The following TKFC variants were observed in gnomAD, a reference collection of about 807,000 sequenced individuals.
TKFC encodes triokinase/FMN cyclase.
TKFC carries 46 observed loss-of-function variants against 61.0 expected under a neutral mutation model. That is an observed-to-expected ratio of 0.75 (90% CI 0.60 to 0.96). TKFC has a LOEUF of 0.96. TKFC is among the 50% of genes least tolerant of loss of function. The pLI is 0.00. For synonymous variants in TKFC, 314 were observed against 330.1 expected, an observed-to-expected ratio of 0.95 and a Z score of 0.53; for missense variants, 715 against 777.5, an observed-to-expected ratio of 0.92 and a Z score of 0.96.
At chr11:61,341,402 C>T (rs751086384) in intron 5 of TKFC, 34 bp from the exon 6 acceptor site, 9 of 1,549,082 alleles carry the variant, frequency 5.8e-6, no homozygotes, top group Non-Finnish European at 7.9e-6. Flanking sequence ...GTGATACCCT[C>T]CCCCCTGGGG....
chr11:61,351,113 T>C (rs1354489519), downstream of TKFC: 2 of 1,613,672 alleles, frequency 1.2e-6, no homozygotes, highest in Admixed American at 1.7e-5. Context: ...ACCGCCTCAC[T>C]GGGCAGGCTG....
chr11:61,341,567 TG>T, intron 6 of TKFC, 53 bp downstream of exon 6: 1 of 1,538,756 alleles, frequency 6.5e-7, no homozygotes, highest in South Asian at 1.2e-5. Flanking sequence ...TGGACAGCCC[TG>T]GGGCGAGGAG....
Position 61,346,179 on chromosome 11 carries a change from C to A in TKFC, c.1576-172C>A. 1 of 1,462,222 alleles carries A rather than the reference C, an allele frequency of 6.8e-7. No homozygotes were observed. The highest frequency in any genetic ancestry group is 9.1e-7 in the Non-Finnish European group (1 of 1,099,066). 90.6% of individuals were successfully genotyped at this position (1,462,222 alleles called of 1,614,324 possible). On this transcript the variant is annotated intron_variant, in intron 17 of 17. Transcript: ENST00000394900. The surrounding 1 kb of genome is among the most constrained non-coding windows in gnomAD (Gnocchi z 4.1). ...CAGTGAATGGTGACCCTTTTCCCTG[C>A]TGGAAGTAGATGAGAAGTGACTTTC...
chr11:61,348,379 C>T lies in TKFC; in HGVS notation c.*1876C>T, dbSNP rs1241833184. ...GATCATGTGGATCTTTGGTGCCTTCCGGTTGGCCCCTCCCTAGGTCTGTGA... is the reference window on the plus strand; with the variant it reads ...GATCATGTGGATCTTTGGTGCCTTCTGGTTGGCCCCTCCCTAGGTCTGTGA... On this transcript the variant is annotated 3_prime_UTR_variant, in exon 18 of 18. Coordinates refer to ENST00000394900, the MANE Select transcript of TKFC (RefSeq NM_015533.4). 4 of 985,176 alleles carry T rather than the reference C, an allele frequency of 4.1e-6. No individual in the cohort carries two copies. In the African/African-American group the frequency reaches 7.0e-5, roughly 17 times the overall value. 61.0% of individuals were successfully genotyped at this position (985,176 alleles called of 1,614,324 possible).
At position 61,341,828 on chromosome 11, in the gene TKFC, C is replaced by T; in HGVS notation, c.571C>T (p.Leu191=). Residue 191 remains leucine, a synonymous_variant, in exon 7 of 18, where the codon CTG becomes TTG. Transcript: ENST00000394900. ...VNVVAKAMGT[L]GVSLSSCSVP... ...TCATGCCTTGTTTCTCATAGGTACC[C>T]TGGGGGTGAGCTTATCCTCCTGCAG... is the stretch of plus-strand genomic sequence containing the variant. 2 of 1,613,890 alleles carry T rather than the reference C, an allele frequency of 1.2e-6. No homozygotes were observed. Among genetic ancestry groups the T allele is most frequent in the Non-Finnish European group, 1.7e-6 (2 of 1,179,866 alleles).
downstream of TKFC, chr11:61,352,669 A>C (rs1199014042): frequency 1.4e-5 from 8 of 574,562 alleles, no homozygotes; most frequent in Non-Finnish European, 1.9e-5. Context: ...TCAAAAAAAA[A>C]GAAAAAAGAA....
chr11:61,344,054 G>A, intron 12 of TKFC, 79 bp downstream of exon 12: 2 of 1,598,310 alleles, frequency 1.3e-6, no homozygotes, highest in Non-Finnish European at 1.7e-6. Context: ...TAGGGGCCCT[G>A]GCACCCACAC....
rs922721253 is a variant in TKFC at position 61,348,833 on chromosome 11, C to T, written c.*2330C>T. The T allele has an allele frequency of 3.9e-5, 6 of 152,254 alleles. No individual in the cohort carries two copies. The highest frequency in any genetic ancestry group is 9.7e-5 in the African/African-American group (4 of 41,436). 9.4% of individuals were successfully genotyped at this position (152,254 alleles called of 1,614,324 possible). ...GATTCTTAACATATTTAATGAAACT[C>T]GAGCTTCATAAACCAGTGAAATGCC... On this transcript the variant is annotated 3_prime_UTR_variant, in exon 18 of 18. Transcript: ENST00000394900.
chr11:61,343,700 T>C (rs2135041794), intron 11 of TKFC, 156 bp from the exon 12 acceptor site: 1 of 1,163,744 alleles, frequency 8.6e-7, no homozygotes, highest in South Asian at 1.4e-5. Context: ...TACCCCTGTA[T>C]ACAGTAGGCA....
At chr11:61,349,738 G>A, downstream of TKFC, 1 of 675,944 alleles carries the variant, frequency 1.5e-6, no homozygotes, top group Admixed American at 2.0e-5. Flanking sequence ...CTCAGCAGAA[G>A]CTGCGTGGGC....
downstream of TKFC, chr11:61,350,605 C>G (rs1266015384): frequency 1.4e-6 from 1 of 700,798 alleles, no homozygotes; most frequent in African/African-American, 1.8e-5. Flanking sequence ...CCATCAAGAC[C>G]TGCTCTGAGC....
At position 61,343,957 on chromosome 11, in the gene TKFC, G is replaced by T; in HGVS notation, c.1084G>T (p.Asp362Tyr). The part of the protein sequence containing the change: ...VAPAEPQEAP[D>Y]STAAGGSASK... ...CCCTGCCGAGCCCCAGGAGGCCCCT[G>T]ATTCCACTGCTGCAGGAGGTACCAA... Residue 362 changes from aspartate to tyrosine, a missense_variant, in exon 12 of 18, where the codon GAT becomes TAT. By Grantham distance (160) the Asp-to-Tyr change is radical. Coordinates refer to ENST00000394900, the MANE Select transcript of TKFC (RefSeq NM_015533.4). 1 of 1,611,608 alleles carries T rather than the reference G, an allele frequency of 6.2e-7. No homozygotes were observed.
chr11:61,350,448 A>G, downstream of TKFC: 1 of 1,610,356 alleles, frequency 6.2e-7, no homozygotes, highest in Non-Finnish European at 8.5e-7. Flanking sequence ...GATGCCCAGG[A>G]GTTAATGACA....
At position 61,348,547 on chromosome 11, in the gene TKFC, G is replaced by T. The variant is rs1324378181; in HGVS notation, c.*2044G>T. On this transcript the variant is annotated 3_prime_UTR_variant, in exon 18 of 18. Transcript: ENST00000394900. ...TGTTGAAAGGCTCACCCCCACTATG[G>T]TAGTGTTAGGACGTGGGGCCTTTGG... The T allele has an allele frequency of 1.0e-6, 1 of 967,308 alleles. No homozygotes were observed. The highest frequency in any genetic ancestry group is 1.8e-5 in the African/African-American group (1 of 56,934). 59.9% of individuals were successfully genotyped at this position (967,308 alleles called of 1,614,324 possible).
rs1857114063 is a variant in TKFC, at chr11:61,346,135, C to G, written c.1575+189C>G. On this transcript the variant is annotated intron_variant, in intron 17 of 17. Transcript: ENST00000394900. The surrounding 1 kb of genome is among the most constrained non-coding windows in gnomAD (Gnocchi z 4.1). Reference sequence around the variant, plus strand: ...AAATATGTAGAGCCCCGCACACTGCCTGGGATGTGACAGGGCCTCAGTGAA... The same window carrying G: ...AAATATGTAGAGCCCCGCACACTGCGTGGGATGTGACAGGGCCTCAGTGAA... 1.1e-5 allele frequency: 13 copies of G among 1,233,264 alleles called. No homozygotes were observed. Among genetic ancestry groups the G allele is most frequent in the East Asian group, 2.5e-5 (1 of 39,476 alleles). The allele number at this position is 1,233,264 out of a possible 1,614,324, so 76.4% of individuals were successfully genotyped here.
At chr11:61,343,288 T>C (rs1856954132) in intron 10 of TKFC, 54 bp from the exon 11 acceptor site, 1 of 1,538,792 alleles carries the variant, frequency 6.5e-7, no homozygotes, top group Non-Finnish European at 9.0e-7. Context: ...TCTGTTGTTT[T>C]CTTTCCCTGA....
At position 61,334,713 on chromosome 11, in the gene TKFC, T is replaced by G. The variant is rs750307347; in HGVS notation, c.-16T>G. The G allele has an allele frequency of 2.5e-6, 4 of 1,614,072 alleles. No individual in the cohort carries two copies. Among genetic ancestry groups the G allele is most frequent in the Non-Finnish European group, 3.4e-6 (4 of 1,180,000 alleles). ...TGCAACGGTGTGAACTCAGCCTGTT[T>G]CAGAGCCTCCACACCATGGTGAGTC... On this transcript the variant is annotated 5_prime_UTR_variant, in exon 2 of 18. Transcript: ENST00000394900.
In TKFC at chr11:61,347,917, G is replaced by C. The variant is rs1228584538; in HGVS notation, c.*1414G>C. On this transcript the variant is annotated 3_prime_UTR_variant, in exon 18 of 18. Transcript: ENST00000394900. ...ACTGAGAGTTACGGTTATCACAGGG[G>C]TTGGGCCCCCAGCCCCTCCCAGGTC... 1.2e-5 allele frequency: 12 copies of C among 985,252 alleles called. No homozygotes were observed. Among genetic ancestry groups the C allele is most frequent in the East Asian group, 2.3e-4 (2 of 8,828 alleles). The allele number at this position is 985,252 out of a possible 1,614,324, so 61.0% of individuals were successfully genotyped here.
In TKFC at chr11:61,348,410, A is replaced by G. The variant is rs1857243338; in HGVS notation, c.*1907A>G. 1 of 985,416 alleles carries G rather than the reference A, an allele frequency of 1.0e-6. No homozygotes were observed. The highest frequency in any genetic ancestry group is 4.7e-5 in the South Asian group (1 of 21,282). 61.0% of individuals were successfully genotyped at this position (985,416 alleles called of 1,614,324 possible). A position where few individuals can be genotyped will look rare whatever the true frequency, so the allele number is the denominator to read the frequency against. ...GCCCCTCCCTAGGTCTGTGAGGGTC[A>G]GACCTGTCCTGAGGCTTTTACAAAT... On this transcript the variant is annotated 3_prime_UTR_variant, in exon 18 of 18. Coordinates refer to ENST00000394900, the MANE Select transcript of TKFC (RefSeq NM_015533.4).
Sources: allele counts gnomAD v4.1 joint callset, GRCh38; gene constraint gnomAD v4.1.1; non-coding constraint Gnocchi (gnomAD v3.1); transcripts MANE v1.5; gene names NCBI Gene and HGNC (gene_info 2026-07-23, HGNC 2026-07-21).